MPRIP: variants seen among roughly 807,000 people sequenced by gnomAD.
MPRIP encodes the protein myosin phosphatase Rho interacting protein.
In MPRIP, 59 loss-of-function variants were observed where a neutral mutation model predicts 234.9. The observed-to-expected ratio is 0.25, with a 90% confidence interval of 0.20 to 0.31. The LOEUF is 0.31. Among genes scored for constraint, MPRIP ranks in the 10% least tolerant of loss-of-function variants. MPRIP has a pLI of 1.00. For synonymous variants in MPRIP, 1,144 were observed against 1,263.9 expected (o/e 0.91, Z 2.01); for missense variants, 2,436 against 3,071.0 (o/e 0.79, Z 4.89).
At chr17:17,094,648 G>A (rs1412872582) in intron 3 of MPRIP, among the ~76,000 whole-genome samples, 2 of 143,120 alleles carry the variant, frequency 1.4e-5, no homozygotes, top group African/African-American at 5.3e-5. Flanking sequence ...ATGGAGTCTC[G>A]CTCTGTCACC....
chr17:17,184,813 C>G lies in MPRIP; in HGVS notation c.7207-10C>G, dbSNP rs1597536798. ...TGTTTATTTTCTCCTCCTGCTCTGTCTCTACCCAGAGTCTGAAGGAAGGCC... is the reference window on the plus strand; with the variant it reads ...TGTTTATTTTCTCCTCCTGCTCTGTGTCTACCCAGAGTCTGAAGGAAGGCC... On this transcript the variant is annotated splice_polypyrimidine_tract_variant and intron_variant, in intron 23 of 23. Transcript: ENST00000651222. The G allele has an allele frequency of 6.2e-7, 1 of 1,609,318 alleles. No individual in the cohort carries two copies. Among genetic ancestry groups the G allele is most frequent in the African/African-American group, 1.3e-5 (1 of 74,884 alleles).
At chr17:17,174,110 A>AG (rs749205773) in intron 19 of MPRIP, 35 bp downstream of exon 19, 1 of 1,607,658 alleles carries the variant, frequency 6.2e-7, no homozygotes, top group African/African-American at 1.3e-5. Flanking sequence ...AAGGTTAGTC[A>AG]GGGGCACTCA....
chr17:17,177,162 C>T (rs368427831), intron 21 of MPRIP, 88 bp from the exon 22 acceptor site: 17 of 1,318,396 alleles, frequency 1.3e-5, no homozygotes, highest in Non-Finnish European at 1.8e-5. Flanking sequence ...GCCTCCCTAC[C>T]GTGTTCAGTC....
chr17:17,137,214 G>A (rs1427423390), intron 6 of MPRIP, among the ~76,000 whole-genome samples: 1 of 152,106 alleles, frequency 6.6e-6, no homozygotes, highest in Non-Finnish European at 1.5e-5. Context: ...CCACCAGAAT[G>A]CATTAAAAGA....
intron 11 of MPRIP, among the ~76,000 whole-genome samples, chr17:17,148,028 T>G (rs951250984): frequency 1.4e-4 from 21 of 152,218 alleles, no homozygotes; most frequent in African/African-American, 5.1e-4. Context: ...AAACGTCTGT[T>G]TCAGGTTAGT....
chr17:17,180,535 G>A (rs1051168569), intron 23 of MPRIP: 1 of 1,381,330 alleles, frequency 7.2e-7, no homozygotes, highest in Non-Finnish European at 1.0e-6. Flanking sequence ...AGGAGGGCGG[G>A]CGGAGGTGGG....
chr17:17,183,669 C>T (rs2046418737), intron 23 of MPRIP, among the ~76,000 whole-genome samples: 1 of 152,168 alleles, frequency 6.6e-6, no homozygotes, highest in South Asian at 2.1e-4. Flanking sequence ...GTGGAGCTCC[C>T]CCTTCCCTTG....
At chr17:17,154,744 C>G (rs565718109) in intron 13 of MPRIP, among the ~76,000 whole-genome samples, 3 of 152,256 alleles carry the variant, frequency 2.0e-5, no homozygotes, top group Admixed American at 1.3e-4. Context: ...AGTCGGTGCT[C>G]TCAGGCCTTG....
chr17:17,187,720 A>G lies in MPRIP; in HGVS notation c.*2826A>G, dbSNP rs2046503941. ...CAGGCATCCAAATACCCTGGAAGGG[A>G]TTTAACCCCTGAATTCCAGAGGGAA... On this transcript the variant is annotated 3_prime_UTR_variant, in exon 24 of 24. Transcript: ENST00000651222. The G allele has an allele frequency of 6.6e-6, 1 of 152,252 alleles. No individual in the cohort carries two copies. Among genetic ancestry groups the G allele is most frequent in the Non-Finnish European group, 1.5e-5 (1 of 68,094 alleles). The allele number at this position is 152,252 out of a possible 1,614,324, so 9.4% of individuals were successfully genotyped here. A position where few individuals can be genotyped will look rare whatever the true frequency, so the allele number is the denominator to read the frequency against.
chr17:17,169,172 T>C (rs1194657074), intron 16 of MPRIP: 1 of 373,076 alleles, frequency 2.7e-6, no homozygotes, highest in Non-Finnish European at 5.4e-6. Flanking sequence ...AGTGTGTGTA[T>C]ATGATGGCAC....
At chr17:17,123,914 C>T (rs982732457) in intron 3 of MPRIP, among the ~76,000 whole-genome samples, 3 of 152,002 alleles carry the variant, frequency 2.0e-5, no homozygotes, top group Admixed American at 6.6e-5. Flanking sequence ...AGGTGATGCC[C>T]GCCTCACAGT....
chr17:17,160,669 C>T (rs1180663176), intron 14 of MPRIP, among the ~76,000 whole-genome samples: 1 of 152,256 alleles, frequency 6.6e-6, no homozygotes, highest in Non-Finnish European at 1.5e-5. Flanking sequence ...GCAAACAGAA[C>T]TTTGTGGAAT....
chr17:17,156,618 G>A (rs1317132872), intron 13 of MPRIP, among the ~76,000 whole-genome samples: 2 of 152,208 alleles, frequency 1.3e-5, no homozygotes, highest in Non-Finnish European at 2.9e-5. Flanking sequence ...TGGCACTAGA[G>A]GAGCCTTGTG....
chr17:17,046,812 G>A (rs1377960977), intron 1 of MPRIP, among the ~76,000 whole-genome samples: 1 of 152,174 alleles, frequency 6.6e-6, no homozygotes, highest in Admixed American at 6.5e-5. Context: ...AGACTTTGCC[G>A]TCTCATCACA....
At chr17:17,070,214 CTTTAG>C (rs1271413850) in intron 1 of MPRIP, among the ~76,000 whole-genome samples, 8 of 151,892 alleles carry the variant, frequency 5.3e-5, no homozygotes, top group Admixed American at 6.6e-5. Flanking sequence ...TTAGGTTTTT[CTTTAG>C]TTTAGTTATT....
chr17:17,128,644 C>T (rs2090538558), intron 4 of MPRIP, among the ~76,000 whole-genome samples: 1 of 152,174 alleles, frequency 6.6e-6, no homozygotes, highest in Non-Finnish European at 1.5e-5. Context: ...GACGCTCTTC[C>T]CCTTCCCCTC....
chr17:17,072,131 G>A (rs528469878), intron 1 of MPRIP, among the ~76,000 whole-genome samples: 197 of 152,332 alleles, frequency 1.3e-3, no homozygotes, highest in Admixed American at 3.5e-3. Flanking sequence ...GCCTCTGCCC[G>A]TGGGCATTGC....
chr17:17,113,139 G>T (rs1355347315), intron 3 of MPRIP, among the ~76,000 whole-genome samples: 2 of 152,152 alleles, frequency 1.3e-5, no homozygotes, highest in Non-Finnish European at 2.9e-5. Context: ...GCCCTGCCCT[G>T]CAGTCTCTTC....
Position 17,167,420 on chromosome 17 carries a change from C to G in MPRIP, c.5829C>G (p.Thr1943=), listed in dbSNP as rs1309366970. 3.8e-6 allele frequency: 5 copies of G among 1,304,078 alleles called. No individual in the cohort carries two copies. In the African/African-American group the frequency reaches 6.1e-5, roughly 16 times the overall value. The allele number at this position is 1,304,078 out of a possible 1,614,324, so 80.8% of individuals were successfully genotyped here. Residue 1943 remains threonine, a synonymous_variant, in exon 16 of 24, where the codon ACC becomes ACG. Transcript: ENST00000651222. The surrounding 1 kb of genome is among the most constrained non-coding windows in gnomAD (Gnocchi z 5.9). ...GCAAGCACAGCATGAGCATGTTCAC[C>G]CTGCGGGGCAGGTATGAGGAGGAGA... ...AESKHSMSMF[T]LRGRYEEEIR... is the part of the protein sequence containing the mutation.
Sources: gnomAD v4.1 joint callset for allele counts (sites outside exome capture counted in the v4.1 genomes callset) on GRCh38, gnomAD v4.1.1 for gene constraint, Gnocchi (gnomAD v3.1) non-coding constraint, MANE v1.5 for transcripts, NCBI Gene and HGNC (gene_info 2026-07-23, HGNC 2026-07-21) for gene names.